Variants in ERC2 observed in about 807,000 individuals in gnomAD.
The protein encoded by ERC2 is ERC protein 2.
ERC2 carries 42 observed loss-of-function variants against 114.8 expected under a neutral mutation model. The observed-to-expected ratio is 0.37, with a 90% confidence interval of 0.29 to 0.47. The LOEUF (loss-of-function observed/expected upper bound fraction) is 0.47, where lower values mean the gene tolerates loss of function less well. Among genes scored for constraint, ERC2 ranks in the 20% least tolerant of loss-of-function variants. The pLI is 0.99. For synonymous variants in ERC2, 454 were observed against 425.5 expected (o/e 1.07, Z -0.82); for missense variants, 939 against 1,150.7 (o/e 0.82, Z 2.66).
At chr3:55,978,705 A>G (rs1484616666) in intron 12 of ERC2, among the ~76,000 whole-genome samples, 2 of 152,218 alleles carry the variant, frequency 1.3e-5, no homozygotes, top group Non-Finnish European at 2.9e-5. Flanking sequence ...AGATACAGAG[A>G]TAGGCTTAAA....
In ERC2 at chr3:55,734,818, C is replaced by A; in HGVS notation, c.2665G>T (p.Ala889Ser). Reference protein sequence around the residue: ...KKKKTQEEVMALKREKDRLVH... With the variant: ...KKKKTQEEVMSLKREKDRLVH... Reference sequence around the variant, plus strand: ...AGTCGGTCTTTTTCCCGCTTGAGGGCCATGACTTCTTCCTGCGTCTTTTTC... The same window carrying A: ...AGTCGGTCTTTTTCCCGCTTGAGGGACATGACTTCTTCCTGCGTCTTTTTC... The change falls in exon 15 of 18, where the codon GCC becomes TCC. Residue 889 changes from alanine to serine, a missense_variant. By Grantham distance (99) the Ala-to-Ser change is moderately conservative. This residue lies in a region of ERC2 where 328 missense variants were observed against 353.9 expected (regional missense o/e 0.93). Transcript: ENST00000288221. The A allele has an allele frequency of 6.2e-7, 1 of 1,613,232 alleles. No individual in the cohort carries two copies.
intron 2 of ERC2, among the ~76,000 whole-genome samples, chr3:56,329,615 A>C (rs921704482): frequency 1.3e-5 from 2 of 152,178 alleles, no homozygotes; most frequent in Non-Finnish European, 2.9e-5. Context: ...CTCTCCTAAA[A>C]AGAAAAACAA....
At chr3:55,706,990 A>C (rs955288584) in intron 15 of ERC2, among the ~76,000 whole-genome samples, 3 of 152,212 alleles carry the variant, frequency 2.0e-5, no homozygotes, top group African/African-American at 7.2e-5. Context: ...TATCTAAAAA[A>C]TGGGCAAGAG....
intron 2 of ERC2, among the ~76,000 whole-genome samples, chr3:56,427,159 C>G (rs1188819889): frequency 6.8e-6 from 1 of 148,108 alleles, no homozygotes; most frequent in Non-Finnish European, 1.5e-5. Context: ...GAGATCCTGT[C>G]TCAGAAAAAA....
chr3:56,198,907 A>C (rs1342246460), intron 3 of ERC2, among the ~76,000 whole-genome samples: 1 of 152,210 alleles, frequency 6.6e-6, no homozygotes, highest in Non-Finnish European at 1.5e-5. Flanking sequence ...ACTGTACCAC[A>C]GAAGTGGCGA....
At chr3:55,894,174 A>C (rs918516166) in intron 13 of ERC2, among the ~76,000 whole-genome samples, 5 of 152,184 alleles carry the variant, frequency 3.3e-5, no homozygotes, top group African/African-American at 1.2e-4. Flanking sequence ...AGAAAAATAA[A>C]ATAGTATTTA....
chr3:56,149,931 G>T (rs954606260), intron 4 of ERC2, among the ~76,000 whole-genome samples: 3 of 152,080 alleles, frequency 2.0e-5, no homozygotes, highest in African/African-American at 7.2e-5. Flanking sequence ...GCATTAGAAA[G>T]TAGAGAAGAG....
intron 14 of ERC2, among the ~76,000 whole-genome samples, chr3:55,790,053 C>T (rs2069864176): frequency 6.6e-6 from 1 of 152,158 alleles, no homozygotes; most frequent in Non-Finnish European, 1.5e-5. Context: ...AGTCTAAAGG[C>T]TCTCCCCCAA....
chr3:56,205,732 A>G (rs571850711), intron 3 of ERC2, among the ~76,000 whole-genome samples: 202 of 152,220 alleles, frequency 1.3e-3, no homozygotes, highest in African/African-American at 4.7e-3. Context: ...AAACAAATCC[A>G]CTTGTGTCCT....
intron 17 of ERC2, among the ~76,000 whole-genome samples, chr3:55,515,559 T>TG (rs2052436538): frequency 6.6e-6 from 1 of 151,830 alleles, no homozygotes; most frequent in South Asian, 2.1e-4. Flanking sequence ...TCAGACTTTT[T>TG]TTTTTTTTGC....
chr3:55,760,287 G>C (rs906584471), intron 14 of ERC2, among the ~76,000 whole-genome samples: 1 of 152,036 alleles, frequency 6.6e-6, no homozygotes, highest in African/African-American at 2.4e-5. Context: ...AAATGTAATC[G>C]TCTACTGTCT....
chr3:56,157,603 T>C (rs1258180056), intron 4 of ERC2, among the ~76,000 whole-genome samples: 1 of 152,148 alleles, frequency 6.6e-6, no homozygotes, highest in East Asian at 1.9e-4. Flanking sequence ...GTGAGGAAGC[T>C]CTCTCTCCTT....
intron 12 of ERC2, among the ~76,000 whole-genome samples, chr3:55,972,131 A>G (rs2069204872): frequency 6.6e-6 from 1 of 152,120 alleles, no homozygotes. Context: ...TTTCTGAAAC[A>G]TGAGCCATGG....
At position 56,333,997 on chromosome 3, in the gene ERC2, T is replaced by G. The variant is rs941035886; in HGVS notation, c.658-37562A>C. Among the ~76,000 whole-genome samples the G allele has an allele frequency of 3.3e-5, 5 of 152,242 alleles. No homozygotes were observed. In the East Asian group the frequency reaches 9.6e-4, roughly 29 times the overall value. ...AATCTTATTAATCTTTGAATCTCTA[T>G]GGTTTACCACAGTGCCTGACACAAA... On this transcript the variant is annotated intron_variant, in intron 2 of 17. Transcript: ENST00000288221.
At chr3:56,080,371 G>C (rs1000215891) in intron 7 of ERC2, among the ~76,000 whole-genome samples, 2 of 152,100 alleles carry the variant, frequency 1.3e-5, no homozygotes, top group African/African-American at 4.8e-5. Context: ...TAAGTAATGG[G>C]TATAAAACAT....
At chr3:55,659,942 C>T (rs1301955288) in intron 17 of ERC2, among the ~76,000 whole-genome samples, 4 of 152,062 alleles carry the variant, frequency 2.6e-5, no homozygotes, top group South Asian at 2.1e-4. Flanking sequence ...CTAGTGCCTC[C>T]TCCACTACAG....
intron 4 of ERC2, among the ~76,000 whole-genome samples, chr3:56,152,198 G>A (rs917738743): frequency 1.3e-5 from 2 of 151,966 alleles, no homozygotes; most frequent in African/African-American, 2.4e-5. Flanking sequence ...TTTTCAATGC[G>A]CATTAACATA....
intron 7 of ERC2, among the ~76,000 whole-genome samples, chr3:56,065,193 G>GT (rs1250443441): frequency 1.3e-5 from 2 of 152,050 alleles, no homozygotes; most frequent in African/African-American, 4.8e-5. Context: ...CCCTAAAATT[G>GT]TAAAACATCA....
chr3:55,814,612 A>G (rs958733735), intron 14 of ERC2, among the ~76,000 whole-genome samples: 9 of 152,248 alleles, frequency 5.9e-5, no homozygotes, highest in Admixed American at 5.2e-4. Context: ...GAGGTGGTCA[A>G]TCTTTCTATA....
Sources: allele counts gnomAD v4.1 joint callset (sites outside exome capture counted in the v4.1 genomes callset), GRCh38; gene constraint gnomAD v4.1.1; regional missense constraint gnomAD v4.1.1; transcripts MANE v1.5; gene names NCBI Gene and HGNC (gene_info 2026-07-23, HGNC 2026-07-21).